The following PLEKHA5 variants were observed in gnomAD, a reference collection of about 807,000 sequenced individuals.
The protein encoded by PLEKHA5 is pleckstrin homology domain containing A5.
In PLEKHA5, 55 loss-of-function variants were observed where a neutral mutation model predicts 181.9. The observed-to-expected ratio is 0.30, with a 90% CI of 0.24 to 0.38. PLEKHA5 has a LOEUF of 0.38. Among genes scored for constraint, PLEKHA5 ranks in the 10% least tolerant of loss-of-function variants. PLEKHA5 has a pLI of 1.00. For synonymous variants in PLEKHA5, 535 were observed against 529.4 expected (o/e 1.01, Z -0.15); for missense variants, 1,432 against 1,549.5 (o/e 0.92, Z 1.27).
intron 3 of PLEKHA5, among the ~76,000 whole-genome samples, chr12:19,174,870 T>G (rs746221965): frequency 6.6e-6 from 1 of 152,184 alleles, no homozygotes; most frequent in Non-Finnish European, 1.5e-5. Context: ...AGTTCAAGAA[T>G]CTAAACAAGC....
chr12:19,205,649 A>G (rs1379761914), intron 3 of PLEKHA5, among the ~76,000 whole-genome samples: 1 of 152,064 alleles, frequency 6.6e-6, no homozygotes, highest in African/African-American at 2.4e-5. Context: ...TGAGGTGACA[A>G]GTTCATAAAT....
intron 3 of PLEKHA5, among the ~76,000 whole-genome samples, chr12:19,214,910 G>C (rs1309538372): frequency 6.6e-6 from 1 of 152,082 alleles, no homozygotes; most frequent in Non-Finnish European, 1.5e-5. Flanking sequence ...GGGTGCGGTG[G>C]CTCATGCCTG....
Position 19,369,750 on chromosome 12 carries a change from C to T in PLEKHA5, c.3812C>T (p.Pro1271Leu), listed in dbSNP as rs774894158. Residue 1271 changes from proline (P) to leucine (L), a missense_variant, in exon 31 of 32, where the codon CCG becomes CTG. Physicochemically the swap from Pro to Leu is moderately conservative, Grantham distance 98 (BLOSUM62 -3). Around this residue, in one of 2 missense-constraint regions of PLEKHA5, gnomAD observed 1,143 missense variants for 1,168.4 expected, o/e 0.98. Coordinates refer to ENST00000429027, the MANE Select transcript of PLEKHA5 (RefSeq NM_001256470.2). The stretch of plus-strand genomic sequence containing the variant: ...GCATCGCCAGTTCCATCCACTCAGC[C>T]GCAGCTCACAGAAGGATCACATTTC... ...SSASPVPSTQ[P>L]QLTEGSHFMC... is the part of the protein sequence containing the mutation. 21 of 1,612,876 alleles carry T rather than the reference C, an allele frequency of 1.3e-5. 1 individual carries two copies. The South Asian group carries it at 1.3e-4, about 10-fold the overall frequency.
intron 3 of PLEKHA5, among the ~76,000 whole-genome samples, chr12:19,194,380 A>G (rs1021372321): frequency 3.3e-5 from 5 of 152,156 alleles, no homozygotes; most frequent in Non-Finnish European, 5.9e-5. Context: ...TATCTTTGCT[A>G]TTGTGAATGG....
chr12:19,341,466 A>T (rs1417573988), intron 21 of PLEKHA5, among the ~76,000 whole-genome samples: 1 of 152,116 alleles, frequency 6.6e-6, no homozygotes, highest in South Asian at 2.1e-4. Context: ...TCTGTTATTT[A>T]TAGTGACCTT....
chr12:19,278,585 CTT>C (rs2075239633), intron 11 of PLEKHA5, among the ~76,000 whole-genome samples: 1 of 152,074 alleles, frequency 6.6e-6, no homozygotes, highest in African/African-American at 2.4e-5. Flanking sequence ...AGGGCAGTCT[CTT>C]TGATGGAGTC....
At chr12:19,177,131 A>G (rs1307901241) in intron 3 of PLEKHA5, among the ~76,000 whole-genome samples, 2 of 152,068 alleles carry the variant, frequency 1.3e-5, no homozygotes. Flanking sequence ...CTCCCAAAGT[A>G]CTGGAATTAC....
chr12:19,338,663 T>C (rs1047760663), intron 21 of PLEKHA5, among the ~76,000 whole-genome samples: 27 of 151,152 alleles, frequency 1.8e-4, no homozygotes, highest in East Asian at 4.0e-4. Context: ...AAGCCCAGTT[T>C]GTCTAAATTT....
rs1239045722 is a variant in PLEKHA5 at position 19,314,797 on chromosome 12, C to T, written c.2038-17C>T. On this transcript the variant is annotated splice_polypyrimidine_tract_variant and intron_variant, in intron 15 of 31. Coordinates refer to ENST00000429027, the MANE Select transcript of PLEKHA5 (RefSeq NM_001256470.2). Reference sequence around the variant, plus strand: ...GTAAACTGATGTTTGCTGTATGCTCCTCCTGATTTGAAATAGATGAAAGAA... The same window carrying T: ...GTAAACTGATGTTTGCTGTATGCTCTTCCTGATTTGAAATAGATGAAAGAA... 7.1e-7 allele frequency: 1 copy of T among 1,415,558 alleles called. No individual in the cohort carries two copies. The highest frequency in any genetic ancestry group is 9.8e-7 in the Non-Finnish European group (1 of 1,023,088). The allele number at this position is 1,415,558 out of a possible 1,614,324, so 87.7% of individuals were successfully genotyped here. A position where few individuals can be genotyped will look rare whatever the true frequency, so the allele number is the denominator to read the frequency against.
At chr12:19,334,381 A>G (rs749976566) in intron 20 of PLEKHA5, among the ~76,000 whole-genome samples, 1 of 152,188 alleles carries the variant, frequency 6.6e-6, no homozygotes, top group South Asian at 2.1e-4. Flanking sequence ...CTAGCTCTCA[A>G]TCTGTATTTT....
intron 7 of PLEKHA5, among the ~76,000 whole-genome samples, chr12:19,264,373 G>T (rs1175124289): frequency 6.6e-6 from 1 of 152,090 alleles, no homozygotes; most frequent in African/African-American, 2.4e-5. Flanking sequence ...TTTATTATGG[G>T]ACATAGAAGG....
In PLEKHA5 at chr12:19,207,805, G is replaced by A. The variant is rs190802478; in HGVS notation, c.228-46135G>A. On this transcript the variant is annotated intron_variant, in intron 3 of 31. Transcript: ENST00000429027. The stretch of plus-strand genomic sequence containing the variant: ...TTTCTATATTAAAATATCTGGATAA[G>A]TGAAGGAAAAATTGTCAGTTTGCTT... 8 of 152,232 alleles carry A rather than the reference G, an allele frequency of 5.3e-5. No individual in the cohort carries two copies. In the East Asian group the frequency reaches 5.8e-4, roughly 11 times the overall value. The allele number at this position is 152,232 out of a possible 1,614,324, so 9.4% of individuals were successfully genotyped here.
At chr12:19,307,534 C>CT in intron 15 of PLEKHA5, 1 of 318,022 alleles carries the variant, frequency 3.1e-6, no homozygotes, top group East Asian at 9.0e-5. Context: ...ATTTCGGCTG[C>CT]TATAGAACCA....
At chr12:19,327,352 A>T (rs1379938566) in intron 20 of PLEKHA5, among the ~76,000 whole-genome samples, 2 of 149,528 alleles carry the variant, frequency 1.3e-5, no homozygotes, top group African/African-American at 4.9e-5. Flanking sequence ...AGTGATATGG[A>T]GCATTTTTTT....
At chr12:19,165,495 G>A (rs979383312) in intron 3 of PLEKHA5, among the ~76,000 whole-genome samples, 2 of 151,350 alleles carry the variant, frequency 1.3e-5, no homozygotes, top group African/African-American at 2.4e-5. Context: ...TTATTTCTGG[G>A]TAGGAACTTT....
At chr12:19,133,839 T>G (rs963159926) in intron 3 of PLEKHA5, among the ~76,000 whole-genome samples, 5 of 152,010 alleles carry the variant, frequency 3.3e-5, no homozygotes, top group Admixed American at 3.3e-4. Context: ...TGAAATGCAG[T>G]CATCAAATGT....
intron 3 of PLEKHA5, among the ~76,000 whole-genome samples, chr12:19,252,447 A>G (rs1056297776): frequency 3.9e-5 from 6 of 152,196 alleles, no homozygotes; most frequent in South Asian, 2.1e-4. Context: ...ACTATTTAAT[A>G]TATCAATGTA....
Position 19,347,066 on chromosome 12 carries a change from C to T in PLEKHA5, c.2782C>T (p.Pro928Ser). The T allele has an allele frequency of 1.3e-6, 2 of 1,551,384 alleles. No homozygotes were observed. The highest frequency in any genetic ancestry group is 2.4e-5 in the East Asian group (1 of 40,902). Residue 928 changes from proline (P) to serine (S), a missense_variant, in exon 24 of 32, where the codon CCC becomes TCC. Pro to Ser is a moderately conservative substitution (Grantham distance 74). This residue lies in a region of PLEKHA5 where 1,143 missense variants were observed against 1,168.4 expected (regional missense o/e 0.98). Transcript: ENST00000429027. The stretch of plus-strand genomic sequence containing the variant: ...CTTTACAGAGCAGCCTCCCATAATC[C>T]CCCCTCTGCCCAGTGATAGCAGCTC... ...YDFTEQPPII[P>S]PLPSDSSSLL...
At chr12:19,297,681 T>C (rs2080248346) in intron 15 of PLEKHA5, among the ~76,000 whole-genome samples, 1 of 151,552 alleles carries the variant, frequency 6.6e-6, no homozygotes, top group South Asian at 2.1e-4. Flanking sequence ...GTATTCTTTT[T>C]TGCATGAAAA....
Sources: gnomAD v4.1 joint callset for allele counts (sites outside exome capture counted in the v4.1 genomes callset) on GRCh38, gnomAD v4.1.1 for gene constraint, gnomAD v4.1.1 regional missense constraint, MANE v1.5 for transcripts, NCBI Gene and HGNC (gene_info 2026-07-23, HGNC 2026-07-21) for gene names.